Variants in POLH observed in about 807,000 individuals in gnomAD.
The protein encoded by POLH is DNA polymerase eta.
In POLH, 53 loss-of-function variants were observed where a neutral mutation model predicts 73.6. The observed-to-expected ratio is 0.72, with a 90% CI of 0.58 to 0.91. The LOEUF is 0.91. Ranked by LOEUF, POLH falls within the 40% of genes least tolerant of loss-of-function variation. POLH has a pLI of 0.00. For synonymous variants in POLH, 292 were observed against 308.5 expected, an observed-to-expected ratio of 0.95 and a Z score of 0.56; for missense variants, 768 against 865.4, an observed-to-expected ratio of 0.89 and a Z score of 1.41.
intron 9 of POLH, among the ~76,000 whole-genome samples, chr6:43,607,178 T>C (rs1055020017): frequency 3.9e-5 from 6 of 152,232 alleles, no homozygotes; most frequent in Non-Finnish European, 8.8e-5. Context: ...CACTGCAACA[T>C]CCGCCTCTCC....
chr6:43,603,035 C>G (rs1270302776), intron 6 of POLH, among the ~76,000 whole-genome samples: 4 of 126,168 alleles, frequency 3.2e-5, no homozygotes, highest in African/African-American at 1.3e-4. Context: ...GAGTCTTGCT[C>G]TGTCTCCCAG....
rs765058753 is a variant in POLH at position 43,616,778 on chromosome 6, A to C, written c.*2221A>C. On this transcript the variant is annotated 3_prime_UTR_variant, in exon 11 of 11. Coordinates refer to ENST00000372236, the MANE Select transcript of POLH (RefSeq NM_006502.3). ...ACTTAATAAACAGTGAATTTCATAC[A>C]GGTAAACCCTATTATACCCTCAGTT... Among the ~76,000 whole-genome samples, 4 of 152,226 alleles carry C rather than the reference A, an allele frequency of 2.6e-5. No homozygotes were observed. The highest frequency in any genetic ancestry group is 1.3e-4 in the Admixed American group (2 of 15,284).
At chr6:43,580,656 G>C (rs1412731232) in intron 1 of POLH, among the ~76,000 whole-genome samples, 1 of 137,298 alleles carries the variant, frequency 7.3e-6, no homozygotes, top group East Asian at 2.2e-4. Flanking sequence ...GCGGCTGGCC[G>C]GGCAGGGGGG....
At chr6:43,599,945 G>T (rs560734523) in intron 5 of POLH, among the ~76,000 whole-genome samples, 5 of 152,118 alleles carry the variant, frequency 3.3e-5, no homozygotes, top group Non-Finnish European at 5.9e-5. Flanking sequence ...GATCACCTGA[G>T]GTTGGGAGTT....
chr6:43,604,514 C>T lies in POLH; in HGVS notation c.885-101C>T. Reference sequence around the variant, plus strand: ...AATTTTGGACAAGGTTTTCCTTTTTCATGAAAAAGATAAAAGGGCAATATA... The same window carrying T: ...AATTTTGGACAAGGTTTTCCTTTTTTATGAAAAAGATAAAAGGGCAATATA... On this transcript the variant is annotated intron_variant, in intron 7 of 10. Transcript: ENST00000372236. 1.3e-5 allele frequency: 18 copies of T among 1,334,172 alleles called. No homozygotes were observed. The South Asian group carries it at 2.2e-4, about 16-fold the overall frequency. The allele number at this position is 1,334,172 out of a possible 1,614,324, so 82.6% of individuals were successfully genotyped here.
intron 3 of POLH, among the ~76,000 whole-genome samples, chr6:43,585,637 C>CTTTTTTTTTTTTTTTTTTT (rs1208848737): frequency 8.4e-5 from 9 of 107,408 alleles, no homozygotes; most frequent in African/African-American, 4.9e-4. Flanking sequence ...TCTTTCTTTT[C>CTTTTTTTTTTTTTTTTTTT]TTTTTTTTTT....
At chr6:43,585,096 T>C (rs930159599) in intron 3 of POLH, among the ~76,000 whole-genome samples, 1 of 152,102 alleles carries the variant, frequency 6.6e-6, no homozygotes, top group Non-Finnish European at 1.5e-5. Flanking sequence ...GAGATTGTGG[T>C]TCCAGAGAGT....
intron 4 of POLH, chr6:43,591,112 G>A (rs1351312807): frequency 6.6e-6 from 1 of 152,066 alleles, no homozygotes; most frequent in Non-Finnish European, 1.5e-5. Context: ...TCAAGCTAGA[G>A]GCTGCAGATC....
At chr6:43,608,919 TCTTATCTTCCCCTCA>T (rs1354993907) in intron 9 of POLH, among the ~76,000 whole-genome samples, 1 of 152,186 alleles carries the variant, frequency 6.6e-6, no homozygotes, top group Admixed American at 6.6e-5. Flanking sequence ...TGACCCCATC[TCTTATCTTCCCCTCA>T]CTTATTCTAG....
chr6:43,606,588 C>A (rs1461605236), intron 9 of POLH, among the ~76,000 whole-genome samples: 1 of 151,986 alleles, frequency 6.6e-6, no homozygotes. Context: ...GCCACCATAC[C>A]CAGCTAATTT....
intron 3 of POLH, among the ~76,000 whole-genome samples, chr6:43,586,566 A>G (rs1466722895): frequency 6.6e-6 from 1 of 152,216 alleles, no homozygotes; most frequent in Non-Finnish European, 1.5e-5. Flanking sequence ...TTAAAGTTTG[A>G]ATAGAAGACA....
rs200691612 is a variant in POLH at position 43,597,857 on chromosome 6, C to A, written c.652C>A (p.His218Asn). ...TGFQCSAGIS[H>N]NKVLAKLACG... ...TTTTCAGTGTTCAGCTGGAATTTCA[C>A]ACAATAAGGTGAAGGCTAATAGTAG... The change falls in exon 5 of 11, where the codon CAC becomes AAC. Residue 218 changes from histidine to asparagine, a missense_variant. Physicochemically the swap from His to Asn is moderately conservative, Grantham distance 68. Transcript: ENST00000372236. The A allele has an allele frequency of 3.7e-5, 60 of 1,611,902 alleles. No homozygotes were observed. In the African/African-American group the frequency reaches 7.7e-4, roughly 21 times the overall value.
chr6:43,590,009 T>A (rs1765263226), intron 4 of POLH, among the ~76,000 whole-genome samples: 1 of 152,150 alleles, frequency 6.6e-6, no homozygotes, highest in East Asian at 1.9e-4. Flanking sequence ...TTTAATAACA[T>A]GTACTTGAAG....
chr6:43,612,269 C>T (rs1016472115), intron 10 of POLH, among the ~76,000 whole-genome samples: 2 of 151,838 alleles, frequency 1.3e-5, no homozygotes, highest in South Asian at 2.1e-4. Flanking sequence ...TGTGAAACTC[C>T]GTGATGCACA....
In POLH at chr6:43,583,491, G is replaced by T. The variant is rs556939745; in HGVS notation, c.272+350G>T. 6.6e-5 allele frequency among the ~76,000 whole-genome samples: 10 copies of T among 152,242 alleles called. No homozygotes were observed. In the South Asian group the frequency reaches 2.1e-3, roughly 32 times the overall value. On this transcript the variant is annotated intron_variant, in intron 3 of 10. Transcript: ENST00000372236. ...GAAACTGAGAATTTTTCCAGGAAAG[G>T]CTGAGTCAAACTGACATTGTAGTAC...
chr6:43,580,951 CA>C (rs1764089707), intron 1 of POLH, among the ~76,000 whole-genome samples: 1 of 147,868 alleles, frequency 6.8e-6, no homozygotes. Flanking sequence ...CTGACCCCCC[CA>C]CCTCCCTCCC....
intron 4 of POLH, among the ~76,000 whole-genome samples, chr6:43,596,098 A>G (rs952578355): frequency 5.3e-5 from 8 of 152,228 alleles, no homozygotes; most frequent in Non-Finnish European, 1.2e-4. Flanking sequence ...GCTAGCTAGA[A>G]TAGTTGAAGG....
Position 43,597,472 on chromosome 6 carries a change from C to T in POLH, c.491-224C>T, listed in dbSNP as rs543371893. 2.6e-5 allele frequency among the ~76,000 whole-genome samples: 4 copies of T among 152,256 alleles called. No individual in the cohort carries two copies. In the South Asian group the frequency reaches 6.2e-4, roughly 24 times the overall value. The stretch of plus-strand genomic sequence containing the variant: ...GATGATATTAATACAAAATATTTGT[C>T]GTACATTAGCACTATAAAATTCAGC... On this transcript the variant is annotated intron_variant, in intron 4 of 10. Coordinates refer to ENST00000372236, the MANE Select transcript of POLH (RefSeq NM_006502.3).
intron 1 of POLH, among the ~76,000 whole-genome samples, chr6:43,578,047 C>T (rs894949920): frequency 6.7e-6 from 1 of 149,992 alleles, no homozygotes; most frequent in African/African-American, 2.5e-5. Flanking sequence ...CACCACTGCA[C>T]TTCAGCCTGG....
Sources: gnomAD v4.1 joint callset for allele counts (sites outside exome capture counted in the v4.1 genomes callset) on GRCh38, gnomAD v4.1.1 for gene constraint, MANE v1.5 for transcripts, NCBI Gene and HGNC (gene_info 2026-07-23, HGNC 2026-07-21) for gene names.